The following HRH1 variants were observed in gnomAD, a reference collection of about 807,000 sequenced individuals.
HRH1 encodes histamine H1 receptor.
Under a neutral mutation model 10.3 loss-of-function variants are expected in HRH1, and 6 were observed. The ratio of observed to expected loss-of-function variants is 0.58; its 90% CI spans 0.32 to 1.15. The LOEUF is 1.15. HRH1 is among the 50% of genes most tolerant of loss of function. The pLI is 0.05. For synonymous variants in HRH1, 242 were observed against 236.7 expected (o/e 1.02, Z -0.21); for missense variants, 514 against 615.3 (o/e 0.84, Z 1.74).
At chr3:11,246,312 C>T (rs979426424) in intron 1 of HRH1, among the ~76,000 whole-genome samples, 1 of 152,192 alleles carries the variant, frequency 6.6e-6, no homozygotes, top group African/African-American at 2.4e-5. Context: ...AGCTTTTATT[C>T]TCTCTGCCCA....
At chr3:11,206,792 T>C (rs1938145020) in intron 1 of HRH1, among the ~76,000 whole-genome samples, 1 of 152,180 alleles carries the variant, frequency 6.6e-6, no homozygotes, top group Non-Finnish European at 1.5e-5. Context: ...CACCTGTGCC[T>C]GGCACGTGGA....
At chr3:11,173,115 C>A (rs1937185411) in intron 1 of HRH1, among the ~76,000 whole-genome samples, 1 of 152,142 alleles carries the variant, frequency 6.6e-6, no homozygotes, top group South Asian at 2.1e-4. Context: ...GTATCATATG[C>A]CCTTCTTAGG....
chr3:11,188,266 A>G (rs1038680625), intron 1 of HRH1, among the ~76,000 whole-genome samples: 1 of 152,250 alleles, frequency 6.6e-6, no homozygotes, highest in Non-Finnish European at 1.5e-5. Context: ...ACCTTTAAGA[A>G]TATCCATGCC....
intron 1 of HRH1, among the ~76,000 whole-genome samples, chr3:11,251,051 C>T (rs181691773): frequency 5.8e-4 from 88 of 152,260 alleles, no homozygotes; most frequent in African/African-American, 1.9e-3. Flanking sequence ...CATCTTCCCT[C>T]GTGACTTTCT....
At chr3:11,253,750 C>G (rs922922647) in intron 1 of HRH1, among the ~76,000 whole-genome samples, 1 of 152,162 alleles carries the variant, frequency 6.6e-6, no homozygotes, top group Non-Finnish European at 1.5e-5. Flanking sequence ...GGAGGATGTT[C>G]ACGTTCCCGA....
chr3:11,184,589 C>T (rs377519871), intron 1 of HRH1, among the ~76,000 whole-genome samples: 24 of 151,998 alleles, frequency 1.6e-4, no homozygotes, highest in African/African-American at 5.6e-4. Flanking sequence ...CCTAACACGC[C>T]GAGATAATGA....
At chr3:11,159,243 G>A (rs958605282) in intron 1 of HRH1, among the ~76,000 whole-genome samples, 5 of 152,036 alleles carry the variant, frequency 3.3e-5, no homozygotes, top group Non-Finnish European at 7.4e-5. Context: ...GTGAGACTCT[G>A]TCTCAAAAAA....
At chr3:11,241,562 G>A (rs528639924) in intron 1 of HRH1, among the ~76,000 whole-genome samples, 8 of 152,192 alleles carry the variant, frequency 5.3e-5, no homozygotes, top group East Asian at 1.9e-4. Flanking sequence ...GGCTGGGCAC[G>A]GTGGCTCACG....
intron 1 of HRH1, among the ~76,000 whole-genome samples, chr3:11,142,703 A>G (rs968747342): frequency 5.9e-5 from 9 of 152,176 alleles, no homozygotes; most frequent in African/African-American, 1.4e-4. Flanking sequence ...TCACGAGGTC[A>G]GGAGTTCAAG....
chr3:11,212,189 G>A (rs1938350146), intron 1 of HRH1, among the ~76,000 whole-genome samples: 1 of 152,180 alleles, frequency 6.6e-6, no homozygotes, highest in African/African-American at 2.4e-5. Flanking sequence ...AATTTCAGAA[G>A]TTTGCAGAGT....
chr3:11,189,726 C>G (rs1160952376), intron 1 of HRH1, among the ~76,000 whole-genome samples: 1 of 151,420 alleles, frequency 6.6e-6, no homozygotes, highest in East Asian at 2.0e-4. Flanking sequence ...GAGTTCGAGA[C>G]CAGCCTGGCC....
At chr3:11,244,791 G>A (rs1028922423) in intron 1 of HRH1, among the ~76,000 whole-genome samples, 3 of 152,118 alleles carry the variant, frequency 2.0e-5, no homozygotes, top group Non-Finnish European at 2.9e-5. Context: ...GCCTTACTTC[G>A]AGCTGAAAGC....
Position 11,260,253 on chromosome 3 carries a change from C to T in HRH1, c.1216C>T (p.His406Tyr). Residue 406 changes from histidine (H) to tyrosine (Y), a missense_variant, in exon 2 of 2, where the codon CAC becomes TAC. Coordinates refer to ENST00000431010, the MANE Select transcript of HRH1 (RefSeq NM_001098212.2). ...SHSRQYVSGL[H>Y]MNRERKAAKQ... ...TTCAAGACAGTATGTATCTGGGTTG[C>T]ACATGAACCGCGAAAGGAAGGCCGC... 1 of 1,614,186 alleles carries T rather than the reference C, an allele frequency of 6.2e-7. No homozygotes were observed.
At chr3:11,251,420 C>T (rs1023305875) in intron 1 of HRH1, among the ~76,000 whole-genome samples, 5 of 152,194 alleles carry the variant, frequency 3.3e-5, no homozygotes, top group Non-Finnish European at 7.3e-5. Context: ...TAAATAGTTC[C>T]TTCCTGGTTT....
At position 11,207,158 on chromosome 3, in the gene HRH1, G is replaced by A. The variant is rs79682683; in HGVS notation, c.-35-51845G>A. On this transcript the variant is annotated intron_variant, in intron 1 of 1. Transcript: ENST00000431010. ...TCTGAGGGTTGATGGTGGGCAGGGG[G>A]CAGCAGTGGGAGGGGAAGGCGGGAA... is the stretch of plus-strand genomic sequence containing the variant. 8.8e-3 allele frequency among the ~76,000 whole-genome samples: 1,342 copies of A among 152,198 alleles called. 58 individuals are homozygous for A. Among genetic ancestry groups the A allele is most frequent in the East Asian group, 0.074 (383 of 5,164 alleles).
At chr3:11,253,541 A>C (rs892936920) in intron 1 of HRH1, among the ~76,000 whole-genome samples, 2 of 152,156 alleles carry the variant, frequency 1.3e-5, no homozygotes, top group Non-Finnish European at 2.9e-5. Flanking sequence ...CTTTCTAAAA[A>C]TTCTGTCGGT....
intron 1 of HRH1, among the ~76,000 whole-genome samples, chr3:11,158,654 T>TTA (rs1193601483): frequency 6.6e-6 from 1 of 152,212 alleles, no homozygotes; most frequent in Non-Finnish European, 1.5e-5. Context: ...ATATCTTTTG[T>TTA]TATATATATT....
At chr3:11,172,534 T>G (rs1230092351) in intron 1 of HRH1, among the ~76,000 whole-genome samples, 1 of 152,158 alleles carries the variant, frequency 6.6e-6, no homozygotes, top group Non-Finnish European at 1.5e-5. Flanking sequence ...TATTTAGATC[T>G]GAACAATTTA....
At chr3:11,151,500 G>A (rs543064550), upstream of HRH1, among the ~76,000 whole-genome samples, 3 of 134,780 alleles carry the variant, frequency 2.2e-5, no homozygotes, top group African/African-American at 3.4e-5. Flanking sequence ...TCCTTTTTTG[G>A]GGGGGCGGTG....
Sources: allele counts gnomAD v4.1 joint callset (sites outside exome capture counted in the v4.1 genomes callset), GRCh38; gene constraint gnomAD v4.1.1; transcripts MANE v1.5; gene names NCBI Gene and HGNC (gene_info 2026-07-23, HGNC 2026-07-21).